TPTE2: variants seen among roughly 807,000 people sequenced by gnomAD.
The protein encoded by TPTE2 is transmembrane phosphoinositide 3-phosphatase and tensin homolog 2.
In TPTE2, 53 loss-of-function variants were observed where a neutral mutation model predicts 78.6. The ratio of observed to expected loss-of-function variants is 0.67; its 90% CI spans 0.54 to 0.85. The LOEUF (loss-of-function observed/expected upper bound fraction) is 0.85. Ranked by LOEUF, TPTE2 falls within the 40% of genes least tolerant of loss-of-function variation. TPTE2 has a pLI of 0.00. For missense variants in TPTE2, 461 were observed against 623.0 expected (o/e 0.74, Z 2.77); for synonymous variants, 175 against 206.2 (o/e 0.85, Z 1.30).
chr13:19,464,397 T>C, intron 10 of TPTE2, 59 bp downstream of exon 13: 1 of 1,502,698 alleles, frequency 6.7e-7, no homozygotes, highest in South Asian at 1.2e-5. Flanking sequence ...ATATTAAACT[T>C]ATGACTACAC....
the TPTE2 span, among the ~76,000 whole-genome samples, chr13:19,554,338 G>A: frequency 6.6e-6 from 1 of 150,538 alleles, no homozygotes; most frequent in African/African-American, 2.4e-5. Flanking sequence ...TCGTGCCACT[G>A]CACTCCAACC....
the TPTE2 span, among the ~76,000 whole-genome samples, chr13:19,543,080 C>T: frequency 6.7e-5 from 10 of 150,188 alleles, no homozygotes; most frequent in East Asian, 2.0e-3. Flanking sequence ...TTAATTAAGA[C>T]AGAGTCTTGC....
chr13:19,514,996 A>G (rs549516805), intron 1 of TPTE2, among the ~76,000 whole-genome samples: 1 of 152,330 alleles, frequency 6.6e-6, no homozygotes, highest in South Asian at 2.1e-4. Context: ...TGTCAACTTC[A>G]TAAAACCATG....
intron 7 of TPTE2, among the ~76,000 whole-genome samples, 163 bp downstream of exon 10, chr13:19,467,062 A>G (rs1879312489): frequency 1.3e-5 from 2 of 152,156 alleles, no homozygotes; most frequent in African/African-American, 4.8e-5. Flanking sequence ...ACAATCTTTT[A>G]GTTTCAAAGT....
intron 15 of TPTE2, among the ~76,000 whole-genome samples, chr13:19,433,201 A>T (rs1876804586): frequency 1.3e-5 from 2 of 152,046 alleles, no homozygotes; most frequent in African/African-American, 4.8e-5. Context: ...TACTCAATCA[A>T]CTGGTTCAGA....
the TPTE2 span, among the ~76,000 whole-genome samples, chr13:19,542,848 A>G: frequency 6.6e-6 from 1 of 151,916 alleles, no homozygotes; most frequent in African/African-American, 2.4e-5. Context: ...AACATTAGCT[A>G]GGCATGGTGG....
upstream of TPTE2, among the ~76,000 whole-genome samples, chr13:19,538,837 T>C (rs888570454): frequency 2.6e-5 from 4 of 152,176 alleles, no homozygotes; most frequent in African/African-American, 9.7e-5. Flanking sequence ...ATTTTAAATC[T>C]TGTTTGTCAT....
chr13:19,434,944 G>A (rs1876963550), intron 15 of TPTE2, among the ~76,000 whole-genome samples: 1 of 152,194 alleles, frequency 6.6e-6, no homozygotes, highest in Non-Finnish European at 1.5e-5. Flanking sequence ...TATAAGATGA[G>A]AATCATAGTA....
chr13:19,424,440 T>G (rs2497202), intron 19 of TPTE2, among the ~76,000 whole-genome samples: 1 of 152,194 alleles, frequency 6.6e-6, no homozygotes, highest in Non-Finnish European at 1.5e-5. Flanking sequence ...TTAAATAGAC[T>G]ATTACTTAAT....
At chr13:19,441,505 T>C (rs1177073129) in intron 13 of TPTE2, among the ~76,000 whole-genome samples, 1 of 152,242 alleles carries the variant, frequency 6.6e-6, no homozygotes, top group Non-Finnish European at 1.5e-5. Context: ...AATCATCCTT[T>C]ATCAGAAATC....
chr13:19,449,721 TAAATA>T (rs1450616336), intron 13 of TPTE2, among the ~76,000 whole-genome samples: 2 of 152,156 alleles, frequency 1.3e-5, no homozygotes, highest in Non-Finnish European at 2.9e-5. Context: ...AGATCAGCCT[TAAATA>T]AAATAAAAGT....
intron 6 of TPTE2, among the ~76,000 whole-genome samples, chr13:19,473,092 C>CT (rs1302559316): frequency 3.3e-5 from 5 of 152,166 alleles, no homozygotes; most frequent in Non-Finnish European, 7.3e-5. Flanking sequence ...GCACCTAAAG[C>CT]TTGGGGTTGA....
At chr13:19,534,708 CT>C (rs1003540198) in intron 1 of TPTE2, among the ~76,000 whole-genome samples, 1 of 152,118 alleles carries the variant, frequency 6.6e-6, no homozygotes, top group Non-Finnish European at 1.5e-5. Context: ...AGCAGGATTG[CT>C]TTAGCTCCTT....
chr13:19,447,698 C>T (rs1877928114), intron 13 of TPTE2, among the ~76,000 whole-genome samples: 1 of 152,046 alleles, frequency 6.6e-6, no homozygotes, highest in Non-Finnish European at 1.5e-5. Context: ...TTAGAGCCCA[C>T]TAAAAATGTA....
chr13:19,442,896 A>G (rs899476494), intron 13 of TPTE2, among the ~76,000 whole-genome samples: 2 of 152,190 alleles, frequency 1.3e-5, no homozygotes, highest in African/African-American at 2.4e-5. Context: ...TTGAGCCATA[A>G]TTTAAAGACT....
chr13:19,470,742 T>C (rs1159940439), intron 6 of TPTE2, among the ~76,000 whole-genome samples: 1 of 151,476 alleles, frequency 6.6e-6, no homozygotes, highest in East Asian at 1.9e-4. Flanking sequence ...GCCAGGCTGG[T>C]CTTGAACTCC....
chr13:19,459,040 G>A (rs1311779655), intron 10 of TPTE2, among the ~76,000 whole-genome samples: 1 of 152,084 alleles, frequency 6.6e-6, no homozygotes, highest in East Asian at 1.9e-4. Flanking sequence ...CCCACCAACA[G>A]TGTAAAAGCA....
intron 15 of TPTE2, among the ~76,000 whole-genome samples, chr13:19,435,933 T>C (rs550330386): frequency 2.0e-4 from 30 of 152,288 alleles, no homozygotes; most frequent in African/African-American, 6.3e-4. Flanking sequence ...TCCTGGAGCC[T>C]TGGGTACTGG....
chr13:19,427,227 G>C (rs1380938685), intron 17 of TPTE2, among the ~76,000 whole-genome samples: 1 of 151,440 alleles, frequency 6.6e-6, no homozygotes, highest in Non-Finnish European at 1.5e-5. Context: ...TGGGACTACA[G>C]GCACGTGCCA....
Sources: allele counts gnomAD v4.1 joint callset (sites outside exome capture counted in the v4.1 genomes callset), GRCh38; gene constraint gnomAD v4.1.1; transcripts MANE v1.5; gene names NCBI Gene and HGNC (gene_info 2026-07-23, HGNC 2026-07-21).